Variants in PIEZO2 observed in about 807,000 individuals in gnomAD.
The protein encoded by PIEZO2 is piezo type mechanosensitive ion channel component 2.
A neutral mutation model predicts 337.3 loss-of-function variants in PIEZO2; 172 were observed. That is an observed-to-expected ratio of 0.51 (90% CI 0.45 to 0.58). The LOEUF (loss-of-function observed/expected upper bound fraction) is 0.58. Ranked by LOEUF, PIEZO2 falls within the 20% of genes least tolerant of loss-of-function variation. The pLI is 0.00. For synonymous variants in PIEZO2, 1,251 were observed against 1,228.5 expected, an observed-to-expected ratio of 1.02 and a Z score of -0.38; for missense variants, 3,028 against 3,391.3, an observed-to-expected ratio of 0.89 and a Z score of 2.66.
At chr18:10,689,514 T>C in intron 49 of PIEZO2, 141 bp downstream of exon 49, 1 of 1,101,636 alleles carries the variant, frequency 9.1e-7, no homozygotes, top group Non-Finnish European at 1.3e-6. Context: ...CTCTAGTGGG[T>C]TGGAAATCAC....
intron 52 of PIEZO2, among the ~76,000 whole-genome samples, chr18:10,678,933 CTTTT>C (rs552952913): frequency 1.6e-5 from 2 of 128,544 alleles, no homozygotes; most frequent in Admixed American, 7.8e-5. Flanking sequence ...GCTGCAATTT[CTTTT>C]TTTTTTTTTT....
chr18:11,023,915 C>T (rs895509825), intron 2 of PIEZO2, among the ~76,000 whole-genome samples: 12 of 152,218 alleles, frequency 7.9e-5, no homozygotes, highest in African/African-American at 2.9e-4. Flanking sequence ...TTGCCCGGGG[C>T]CGGCAGGACT....
In PIEZO2 at chr18:10,894,260, T is replaced by C. The variant is rs1039614628; in HGVS notation, c.329+16926A>G. Among the ~76,000 whole-genome samples the C allele has an allele frequency of 7.2e-5, 11 of 152,012 alleles. No homozygotes were observed. The highest frequency in any genetic ancestry group is 2.2e-4 in the African/African-American group (9 of 41,366). ...CTGAGGTCAGGAGTTGAGACCAGCCTGGCCAACATGGAGAAATCCCCTCTG... is the reference window on the plus strand; with the variant it reads ...CTGAGGTCAGGAGTTGAGACCAGCCCGGCCAACATGGAGAAATCCCCTCTG... On this transcript the variant is annotated intron_variant, in intron 4 of 55. Coordinates refer to ENST00000674853, the MANE Select transcript of PIEZO2 (RefSeq NM_001378183.1). The surrounding 1 kb of genome is among the most constrained non-coding windows in gnomAD (Gnocchi z 4.1).
intron 4 of PIEZO2, among the ~76,000 whole-genome samples, chr18:10,874,327 G>A (rs28790030): frequency 0.051 from 7,689 of 152,152 alleles, 268 homozygotes; most frequent in Middle Eastern, 0.11. Context: ...TGCTGACAAG[G>A]ATGTGGAGAA....
intron 48 of PIEZO2, among the ~76,000 whole-genome samples, chr18:10,690,620 G>A (rs2034774100): frequency 6.6e-6 from 1 of 152,242 alleles, no homozygotes; most frequent in Non-Finnish European, 1.5e-5. Context: ...TCTGTCTGGT[G>A]CTGAGGAGGA....
intron 16 of PIEZO2, among the ~76,000 whole-genome samples, chr18:10,786,017 C>G (rs984508262): frequency 6.6e-6 from 1 of 152,182 alleles, no homozygotes. Context: ...TGCCTCAGGA[C>G]CTTTGCATGT....
At chr18:10,882,876 G>A (rs2042464795) in intron 4 of PIEZO2, among the ~76,000 whole-genome samples, 1 of 108,876 alleles carries the variant, frequency 9.2e-6, no homozygotes, top group African/African-American at 3.4e-5. Context: ...GTCTTGCCCT[G>A]TCACCAGGCT....
At position 11,094,266 on chromosome 18, in the gene PIEZO2, C is replaced by T. The variant is rs2039195957; in HGVS notation, c.65-28044G>A. ...AACGTATGTATGGTAGGTTAATCCT[C>T]CCAAATCACTGGGGAAGCCATTTAT... On this transcript the variant is annotated intron_variant, in intron 1 of 55. Coordinates refer to ENST00000674853, the MANE Select transcript of PIEZO2 (RefSeq NM_001378183.1). This position sits in a 1 kb window ranked among gnomAD's most constrained non-coding sequence, Gnocchi z 4.4. 6.6e-6 allele frequency among the ~76,000 whole-genome samples: 1 copy of T among 152,106 alleles called. No individual in the cohort carries two copies. The highest frequency in any genetic ancestry group is 1.5e-5 in the Non-Finnish European group (1 of 68,028).
chr18:10,955,825 A>G (rs2033494737), intron 3 of PIEZO2, among the ~76,000 whole-genome samples: 1 of 152,172 alleles, frequency 6.6e-6, no homozygotes, highest in Non-Finnish European at 1.5e-5. Context: ...TGTTTTCCAC[A>G]TTATAGAACA....
At chr18:11,059,972 C>T (rs1208510602) in intron 2 of PIEZO2, among the ~76,000 whole-genome samples, 8 of 152,130 alleles carry the variant, frequency 5.3e-5, no homozygotes. Context: ...CAGCACCACA[C>T]CGCACTTATT....
chr18:10,811,130 A>G (rs2144362184), intron 7 of PIEZO2, among the ~76,000 whole-genome samples: 1 of 152,258 alleles, frequency 6.6e-6, no homozygotes. Context: ...AGCACACTTC[A>G]TTCACGTTTC....
At chr18:10,747,371 A>T (rs1199054493) in intron 30 of PIEZO2, among the ~76,000 whole-genome samples, 1 of 152,198 alleles carries the variant, frequency 6.6e-6, no homozygotes, top group African/African-American at 2.4e-5. Flanking sequence ...TAGGTTATAT[A>T]AGGACCTCTA....
rs2034630857 is a variant in PIEZO2, at chr18:10,980,707, A to G, written c.161-1047T>C. On this transcript the variant is annotated intron_variant, in intron 2 of 55. Transcript: ENST00000674853. This position sits in a 1 kb window ranked among gnomAD's most constrained non-coding sequence, Gnocchi z 4.8. Reference sequence around the variant, plus strand: ...ATACAAAATCATCTTACAAAAATGAACATACCTCTTCATTAACAATAATCA... The same window carrying G: ...ATACAAAATCATCTTACAAAAATGAGCATACCTCTTCATTAACAATAATCA... 1.3e-5 allele frequency among the ~76,000 whole-genome samples: 2 copies of G among 152,248 alleles called. No homozygotes were observed. The highest frequency in any genetic ancestry group is 4.1e-4 in the South Asian group (2 of 4,832).
At position 10,864,261 on chromosome 18, in the gene PIEZO2, C is replaced by T. The variant is rs548715887; in HGVS notation, c.492+6992G>A. On this transcript the variant is annotated intron_variant, in intron 5 of 55. Transcript: ENST00000674853. ...CTCCCTCCACTCAGCACTTTTTTAA[C>T]CAAGACTGGGCTCTGCTCCAAGCAC... Among the ~76,000 whole-genome samples, 179 of 152,286 alleles carry T rather than the reference C, an allele frequency of 1.2e-3. 2 individuals are homozygous for T. Among genetic ancestry groups the T allele is most frequent in the African/African-American group, 4.1e-3 (169 of 41,562 alleles).
intron 15 of PIEZO2, 145 bp from the exon 16 acceptor site, chr18:10,787,329 G>T (rs2039258811): frequency 1.1e-6 from 1 of 913,826 alleles, no homozygotes; most frequent in Non-Finnish European, 1.6e-6. Flanking sequence ...AGTTTTTAAT[G>T]TTCCGTGTCT....
intron 36 of PIEZO2, chr18:10,725,315 C>T: frequency 1.9e-6 from 3 of 1,590,944 alleles, no homozygotes; most frequent in South Asian, 1.1e-5. Context: ...AGAAGGAGGG[C>T]TGCGTCGAAG....
chr18:10,767,537 C>T lies in PIEZO2; in HGVS notation c.2946+2611G>A, dbSNP rs959792771. On this transcript the variant is annotated intron_variant, in intron 21 of 55. Transcript: ENST00000674853. This position sits in a 1 kb window ranked among gnomAD's most constrained non-coding sequence, Gnocchi z 4.2. ...GATGCAGGGAGGAGAACGTCCTCTG[C>T]GCGCAGCCCGAGTGAGGAGCTAATG... Among the ~76,000 whole-genome samples the T allele has an allele frequency of 3.3e-5, 5 of 152,128 alleles. No individual in the cohort carries two copies. Among genetic ancestry groups the T allele is most frequent in the African/African-American group, 7.2e-5 (3 of 41,438 alleles).
At chr18:11,030,620 C>T (rs577198507) in intron 2 of PIEZO2, among the ~76,000 whole-genome samples, 4 of 152,108 alleles carry the variant, frequency 2.6e-5, no homozygotes, top group Non-Finnish European at 4.4e-5. Flanking sequence ...CAGCTTGGCT[C>T]GTGCTCCAGC....
chr18:10,879,364 C>A (rs2042350397), intron 4 of PIEZO2, among the ~76,000 whole-genome samples: 1 of 150,354 alleles, frequency 6.7e-6, no homozygotes, highest in African/African-American at 2.4e-5. Context: ...CATGTTCTCT[C>A]GAACAGGCAA....
Sources: allele counts gnomAD v4.1 joint callset (sites outside exome capture counted in the v4.1 genomes callset), GRCh38; gene constraint gnomAD v4.1.1; non-coding constraint Gnocchi (gnomAD v3.1); transcripts MANE v1.5; gene names NCBI Gene and HGNC (gene_info 2026-07-23, HGNC 2026-07-21).